TTLL9: variants seen among roughly 807,000 people sequenced by gnomAD.
TTLL9 encodes probable tubulin polyglutamylase TTLL9.
Under a neutral mutation model 65.6 loss-of-function variants are expected in TTLL9, and 47 were observed. The observed-to-expected ratio is 0.72, with a 90% CI of 0.57 to 0.91. The LOEUF is 0.91. Ranked by LOEUF, TTLL9 falls within the 40% of genes least tolerant of loss-of-function variation. The pLI is 0.00. For synonymous variants in TTLL9, 179 were observed against 204.8 expected (o/e 0.87, Z 1.07); for missense variants, 537 against 568.8 (o/e 0.94, Z 0.57).
At chr20:31,891,862 G>A (rs1445932954) in intron 3 of TTLL9, among the ~76,000 whole-genome samples, 8 of 152,136 alleles carry the variant, frequency 5.3e-5, no homozygotes, top group Admixed American at 3.9e-4. Flanking sequence ...GAGTGCAGTG[G>A]TACGATCTTG....
intron 12 of TTLL9, among the ~76,000 whole-genome samples, chr20:31,936,704 G>C (rs1045018572): frequency 2.6e-5 from 4 of 152,174 alleles, no homozygotes; most frequent in African/African-American, 9.7e-5. Flanking sequence ...CTAAGAAAGG[G>C]AAGTTTTTCT....
At chr20:31,905,633 G>T (rs949074196) in intron 4 of TTLL9, among the ~76,000 whole-genome samples, 6 of 152,168 alleles carry the variant, frequency 3.9e-5, no homozygotes, top group Non-Finnish European at 8.8e-5. Flanking sequence ...CTCAGTGAAA[G>T]GCTGGGTCTG....
intron 3 of TTLL9, among the ~76,000 whole-genome samples, chr20:31,888,147 G>A (rs545461799): frequency 2.0e-5 from 3 of 152,274 alleles, no homozygotes; most frequent in African/African-American, 7.2e-5. Context: ...GCCTCCCAAA[G>A]TGTTGGGATT....
chr20:31,880,681 C>T (rs2063105175), intron 2 of TTLL9, among the ~76,000 whole-genome samples: 1 of 151,916 alleles, frequency 6.6e-6, no homozygotes. Context: ...TTAGTAGAGA[C>T]AGGGTTTCAC....
At chr20:31,883,223 A>C (rs1256724764) in intron 2 of TTLL9, among the ~76,000 whole-genome samples, 1 of 149,414 alleles carries the variant, frequency 6.7e-6, no homozygotes, top group Non-Finnish European at 1.5e-5. Context: ...TTTTTGAAAC[A>C]GAGTCTTGCC....
intron 2 of TTLL9, chr20:31,873,166 G>A: frequency 2.6e-6 from 1 of 387,528 alleles, no homozygotes; most frequent in Non-Finnish European, 5.1e-6. Flanking sequence ...CTGGATGTGG[G>A]GGGAAGGAAG....
At chr20:31,924,638 G>A (rs1425977454) in intron 8 of TTLL9, among the ~76,000 whole-genome samples, 1 of 151,690 alleles carries the variant, frequency 6.6e-6, no homozygotes, top group Non-Finnish European at 1.5e-5. Context: ...AGGCTGGAGT[G>A]CAGGGTCACG....
chr20:31,943,648 G>A lies in TTLL9; in HGVS notation c.*627G>A. 2.3e-6 allele frequency: 1 copy of A among 443,510 alleles called. No individual in the cohort carries two copies. The highest frequency in any genetic ancestry group is 2.4e-5 in the Admixed American group (1 of 41,082). The allele number at this position is 443,510 out of a possible 1,614,324, so 27.5% of individuals were successfully genotyped here. ...CCTGACCATCATCTGAAAACCAGTG[G>A]GACAGGGCATCCCCATTTCTCAGAT... is the stretch of plus-strand genomic sequence containing the variant. On this transcript the variant is annotated 3_prime_UTR_variant, in exon 15 of 15. Coordinates refer to ENST00000535842, the MANE Select transcript of TTLL9 (RefSeq NM_001008409.5).
rs2064271320 is a variant in TTLL9, at chr20:31,944,019, T to G, written c.*998T>G. 2.9e-6 allele frequency: 1 copy of G among 346,364 alleles called. No homozygotes were observed. Among genetic ancestry groups the G allele is most frequent in the Admixed American group, 3.7e-5 (1 of 26,932 alleles). The allele number at this position is 346,364 out of a possible 1,614,324, so 21.5% of individuals were successfully genotyped here. On this transcript the variant is annotated 3_prime_UTR_variant, in exon 15 of 15. Coordinates refer to ENST00000535842, the MANE Select transcript of TTLL9 (RefSeq NM_001008409.5). ...CTGGCTGCAAATGGTTGAATCTGCC[T>G]GCCTAGGTCAAGCCCGAAGGGAAGA...
chr20:31,900,876 C>T (rs1299203724), intron 4 of TTLL9, among the ~76,000 whole-genome samples: 1 of 152,138 alleles, frequency 6.6e-6, no homozygotes, highest in Non-Finnish European at 1.5e-5. Context: ...GCTCAATGGG[C>T]AGGGGAAGAG....
intron 13 of TTLL9, chr20:31,938,153 T>A (rs1222188847): frequency 4.5e-6 from 2 of 445,488 alleles, no homozygotes; most frequent in East Asian, 1.5e-4. Flanking sequence ...CTTTCCTCTG[T>A]ATTAGCTTTT....
At chr20:31,871,083 A>T in intron 1 of TTLL9, 39 bp from the exon 2 acceptor site, 1 of 1,583,474 alleles carries the variant, frequency 6.3e-7, no homozygotes, top group Non-Finnish European at 8.7e-7. Context: ...CCATTCATCC[A>T]TCCTCTCACT....
chr20:31,939,991 T>C (rs1486117628), intron 14 of TTLL9: 2 of 152,224 alleles, frequency 1.3e-5, no homozygotes, highest in East Asian at 3.8e-4. Context: ...ACTAAACCAA[T>C]TTCTTATAAT....
At chr20:31,892,888 A>T (rs1444159483) in intron 3 of TTLL9, among the ~76,000 whole-genome samples, 1 of 152,078 alleles carries the variant, frequency 6.6e-6, no homozygotes, top group Non-Finnish European at 1.5e-5. Flanking sequence ...TTGTGCTGCT[A>T]TTTTTGTCAT....
chr20:31,906,113 T>G (rs2063554861), intron 4 of TTLL9, among the ~76,000 whole-genome samples: 1 of 151,804 alleles, frequency 6.6e-6, no homozygotes, highest in Non-Finnish European at 1.5e-5. Context: ...TGCTTGGCCA[T>G]TGTTCCAGTT....
chr20:31,926,109 T>G lies in TTLL9; in HGVS notation c.748+18T>G. The G allele has an allele frequency of 1.3e-6, 2 of 1,557,006 alleles. No individual in the cohort carries two copies. The highest frequency in any genetic ancestry group is 1.8e-6 in the Non-Finnish European group (2 of 1,128,288). On this transcript the variant is annotated intron_variant, in intron 10 of 14. Coordinates refer to ENST00000535842, the MANE Select transcript of TTLL9 (RefSeq NM_001008409.5). ...GAGACAGGGTATGAGATAGGTCTGGTCCCTTCCCTCCGGGAGCTTCCAGTT... is the reference window on the plus strand; with the variant it reads ...GAGACAGGGTATGAGATAGGTCTGGGCCCTTCCCTCCGGGAGCTTCCAGTT...
At chr20:31,936,702 G>C (rs1360852649) in intron 12 of TTLL9, among the ~76,000 whole-genome samples, 1 of 152,130 alleles carries the variant, frequency 6.6e-6, no homozygotes, top group Non-Finnish European at 1.5e-5. Flanking sequence ...CACTAAGAAA[G>C]GGAAGTTTTT....
chr20:31,923,172 T>C, intron 8 of TTLL9, 119 bp downstream of exon 8: 7 of 755,270 alleles, frequency 9.3e-6, no homozygotes, highest in Non-Finnish European at 1.6e-5. Context: ...AAGGGATGCA[T>C]GGAAAGAGAT....
intron 6 of TTLL9, among the ~76,000 whole-genome samples, chr20:31,911,652 C>G (rs1435282207): frequency 6.6e-6 from 1 of 152,204 alleles, no homozygotes; most frequent in Non-Finnish European, 1.5e-5. Flanking sequence ...TGTGACCCAC[C>G]AGGGCGGATT....
Sources: allele counts gnomAD v4.1 joint callset (sites outside exome capture counted in the v4.1 genomes callset), GRCh38; gene constraint gnomAD v4.1.1; transcripts MANE v1.5; gene names NCBI Gene and HGNC (gene_info 2026-07-23, HGNC 2026-07-21).